Variants in DMXL2 observed in about 807,000 individuals in gnomAD.
DMXL2 encodes the protein dmX-like protein 2.
DMXL2 carries 103 observed loss-of-function variants against 331.1 expected under a neutral mutation model. That is an observed-to-expected ratio of 0.31 (90% CI 0.27 to 0.37). DMXL2 has a LOEUF of 0.37. Ranked by LOEUF, DMXL2 falls within the 10% of genes least tolerant of loss-of-function variation. The probability of loss-of-function intolerance (pLI) is 1.00; values close to 1 mark genes in which losing one functional copy is unlikely to be tolerated. For synonymous variants in DMXL2, 1,281 were observed against 1,252.1 expected, an observed-to-expected ratio of 1.02 and a Z score of -0.49; for missense variants, 3,171 against 3,642.9, an observed-to-expected ratio of 0.87 and a Z score of 3.33.
intron 6 of DMXL2, among the ~76,000 whole-genome samples, chr15:51,553,862 G>A (rs1183273681): frequency 6.6e-6 from 1 of 151,774 alleles, no homozygotes; most frequent in African/African-American, 2.4e-5. Context: ...TTATTTTATT[G>A]GAAAAGCTTC....
At chr15:51,622,343 G>T (rs1386193913) in intron 1 of DMXL2, 116 bp downstream of exon 1, 2 of 1,382,834 alleles carry the variant, frequency 1.4e-6, no homozygotes, top group Non-Finnish European at 2.0e-6. Flanking sequence ...GGGGCCACGG[G>T]TGGGGCCCAC....
At position 51,576,042 on chromosome 15, in the gene DMXL2, A is replaced by T. The variant is rs1399135625; in HGVS notation, c.213+14T>A. On this transcript the variant is annotated intron_variant, in intron 2 of 43. Transcript: ENST00000560891. ...TTTTTAAATGACATTCAGTAAAGAA[A>T]TTAAATCCCTTACTCTTCCTTGTTG... The T allele has an allele frequency of 6.3e-7, 1 of 1,592,808 alleles. No homozygotes were observed. Among genetic ancestry groups the T allele is most frequent in the Non-Finnish European group, 8.5e-7 (1 of 1,172,676 alleles).
At chr15:51,494,675 G>A (rs76400140) in intron 19 of DMXL2, among the ~76,000 whole-genome samples, 3,754 of 152,070 alleles carry the variant, frequency 0.025, 164 homozygotes, top group African/African-American at 0.085. Flanking sequence ...AAAACACATC[G>A]CAGAGCAAAG....
chr15:51,563,769 A>G (rs896254313), intron 5 of DMXL2, among the ~76,000 whole-genome samples: 1 of 152,022 alleles, frequency 6.6e-6, no homozygotes, highest in Non-Finnish European at 1.5e-5. Flanking sequence ...TCGTCACATA[A>G]TCTATATGAC....
Position 51,503,091 on chromosome 15 carries a change from G to A in DMXL2, c.2765-58C>T, listed in dbSNP as rs554792230. On this transcript the variant is annotated intron_variant, in intron 16 of 43. Coordinates refer to ENST00000560891, the MANE Select transcript of DMXL2 (RefSeq NM_001378457.1). ...ATGTATATCATTACTATAAATAGGA[G>A]CTAGAATATTACTTTGTTATTATTT... 4 of 1,103,038 alleles carry A rather than the reference G, an allele frequency of 3.6e-6. No individual in the cohort carries two copies. In the African/African-American group the frequency reaches 4.8e-5, roughly 13 times the overall value. 68.3% of individuals were successfully genotyped at this position (1,103,038 alleles called of 1,614,324 possible).
rs58113467 is a variant in DMXL2, at chr15:51,605,517, CTTTTTTTTTTTTTTTT to C, written c.87+16926_87+16941del. Among the ~76,000 whole-genome samples the C allele has an allele frequency of 2.2e-4, 5 of 22,226 alleles. 1 individual carries two copies. The highest frequency in any genetic ancestry group is 3.2e-4 in the African/African-American group (3 of 9,240). The allele number at this position is 22,226 out of a possible 152,430, so 14.6% of individuals were successfully genotyped here. A position where few individuals can be genotyped will look rare whatever the true frequency, so the allele number is the denominator to read the frequency against. On this transcript the variant is annotated intron_variant, in intron 1 of 43. Coordinates refer to ENST00000560891, the MANE Select transcript of DMXL2 (RefSeq NM_001378457.1). ...GGCCCAGCCCATACAGATTAATATT[CTTTTTTTTTTTTTTTT>C]TTTTTTTTTTTTTTTTTTTTTGAGA...
chr15:51,608,595 T>A (rs1258371964), intron 1 of DMXL2, among the ~76,000 whole-genome samples: 1 of 152,040 alleles, frequency 6.6e-6, no homozygotes, highest in Non-Finnish European at 1.5e-5. Flanking sequence ...ACAGCATACT[T>A]AAGAGTGGAA....
At chr15:51,555,372 G>GT (rs1262995171) in intron 6 of DMXL2, among the ~76,000 whole-genome samples, 3 of 152,124 alleles carry the variant, frequency 2.0e-5, no homozygotes, top group Non-Finnish European at 4.4e-5. Flanking sequence ...AGATTGAGGG[G>GT]TTAGGGAAGT....
intron 2 of DMXL2, among the ~76,000 whole-genome samples, chr15:51,575,378 C>G (rs2050955089): frequency 6.6e-6 from 1 of 152,022 alleles, no homozygotes; most frequent in African/African-American, 2.4e-5. Context: ...AACCTTATTA[C>G]TCTATTCTCG....
At chr15:51,520,405 T>C (rs145983556) in intron 13 of DMXL2, among the ~76,000 whole-genome samples, 7 of 152,344 alleles carry the variant, frequency 4.6e-5, no homozygotes, top group Non-Finnish European at 1.0e-4. Flanking sequence ...ATAATATGTA[T>C]ACTTTAAACA....
intron 6 of DMXL2, among the ~76,000 whole-genome samples, chr15:51,556,705 G>A (rs189138301): frequency 1.9e-3 from 286 of 152,168 alleles, no homozygotes; most frequent in Non-Finnish European, 3.5e-3. Context: ...CTGGGAAGCT[G>A]AGATTGCAGT....
Position 51,536,639 on chromosome 15 carries a change from G to T in DMXL2, c.1841C>A (p.Ser614Tyr). 1 of 1,614,088 alleles carries T rather than the reference G, an allele frequency of 6.2e-7. No individual in the cohort carries two copies. The highest frequency in any genetic ancestry group is 8.5e-7 in the Non-Finnish European group (1 of 1,179,984). Reference protein sequence around the residue: ...NILAPTVMMISKHIDGSLNQW... With the variant: ...NILAPTVMMIYKHIDGSLNQW... ...ATTTAAAGAACCATCTATGTGTTTA[G>T]AGATCATCATTACTGTGGGAGCTAA... The change falls in exon 12 of 44, where the codon TCT (serine) becomes TAT (tyrosine). Residue 614 changes from serine to tyrosine, a missense_variant. By Grantham distance (144) the Ser-to-Tyr change is moderately radical. This residue lies in a region of DMXL2 where 1,674 missense variants were observed against 1,780.2 expected (regional missense o/e 0.94). Coordinates refer to ENST00000560891, the MANE Select transcript of DMXL2 (RefSeq NM_001378457.1).
At chr15:51,507,089 T>C in intron 16 of DMXL2, 45 bp downstream of exon 16, 2 of 1,401,948 alleles carry the variant, frequency 1.4e-6, no homozygotes, top group Non-Finnish European at 1.9e-6. Context: ...TTCTATAAAA[T>C]AAATTTGTTA....
intron 15 of DMXL2, among the ~76,000 whole-genome samples, chr15:51,509,653 C>T (rs186826326): frequency 6.6e-6 from 1 of 152,298 alleles, no homozygotes; most frequent in African/African-American, 2.4e-5. Flanking sequence ...ACCATTCCTT[C>T]TGAAACTATT....
intron 13 of DMXL2, among the ~76,000 whole-genome samples, chr15:51,521,134 G>T (rs1596105651): frequency 6.6e-6 from 1 of 152,008 alleles, no homozygotes; most frequent in East Asian, 1.9e-4. Flanking sequence ...ACATATACAA[G>T]GTTGAAAATA....
chr15:51,535,813 TC>T, intron 12 of DMXL2, 29 bp from the exon 13 acceptor site: 1 of 1,576,010 alleles, frequency 6.3e-7, no homozygotes, highest in Non-Finnish European at 8.6e-7. Flanking sequence ...GCCTCTGGGT[TC>T]TAAACATGTA....
rs1457800088 is a variant in DMXL2, at chr15:51,598,773, A to G, written c.88-22592T>C. ...GGTGGCACTTCTGTTAATTTGCCCC[A>G]TCTCTGATGATGTTTACTTTGGACA... On this transcript the variant is annotated intron_variant, in intron 1 of 43. Coordinates refer to ENST00000560891, the MANE Select transcript of DMXL2 (RefSeq NM_001378457.1). 5.3e-5 allele frequency among the ~76,000 whole-genome samples: 8 copies of G among 152,198 alleles called. No individual in the cohort carries two copies. The East Asian group carries it at 1.5e-3, about 29-fold the overall frequency.
chr15:51,554,868 T>C (rs2049453178), intron 6 of DMXL2, among the ~76,000 whole-genome samples: 1 of 152,106 alleles, frequency 6.6e-6, no homozygotes, highest in Non-Finnish European at 1.5e-5. Flanking sequence ...TTTAAAAAGA[T>C]CACTCCAGGC....
chr15:51,499,805 C>G lies in DMXL2; in HGVS notation c.3419G>C (p.Ser1140Thr), dbSNP rs1334659158. 3.7e-6 allele frequency: 6 copies of G among 1,614,180 alleles called. No individual in the cohort carries two copies. The highest frequency in any genetic ancestry group is 3.4e-6 in the Non-Finnish European group (4 of 1,180,028). ...KVGSVLDSRV[S>T]VDSNLFVYSK... is the part of the protein sequence containing the mutation. ...ATACACAAACAGATTACTGTCGACGCTGACCCTTGAATCAAGTACACTCCC... is the reference window on the plus strand; with the variant it reads ...ATACACAAACAGATTACTGTCGACGGTGACCCTTGAATCAAGTACACTCCC... Residue 1140 changes from serine (S) to threonine (T), a missense_variant, in exon 18 of 44, where the codon AGC becomes ACC. Transcript: ENST00000560891.
Sources: allele counts gnomAD v4.1 joint callset (sites outside exome capture counted in the v4.1 genomes callset), GRCh38; gene constraint gnomAD v4.1.1; regional missense constraint gnomAD v4.1.1; transcripts MANE v1.5; gene names NCBI Gene and HGNC (gene_info 2026-07-23, HGNC 2026-07-21).